TMEM268: variants seen among roughly 807,000 people sequenced by gnomAD.
The protein encoded by TMEM268 is transmembrane protein 268.
In TMEM268, 24 loss-of-function variants were observed where a neutral mutation model predicts 39.1. The observed-to-expected ratio is 0.61, with a 90% CI of 0.44 to 0.86. The LOEUF (loss-of-function observed/expected upper bound fraction) is 0.86. Among genes scored for constraint, TMEM268 ranks in the 40% least tolerant of loss-of-function variants. The probability of loss-of-function intolerance (pLI) is 0.00; values close to 1 mark genes in which losing one functional copy is unlikely to be tolerated. For missense variants in TMEM268, 409 were observed against 428.6 expected (o/e 0.95, Z 0.40); for synonymous variants, 176 against 173.5 (o/e 1.01, Z -0.12).
chr9:114,605,716 A>T, the TMEM268 span, among the ~76,000 whole-genome samples: 1 of 152,082 alleles, frequency 6.6e-6, no homozygotes, highest in Non-Finnish European at 1.5e-5. Flanking sequence ...AGCTTAGGTG[A>T]TCGATGCCAG....
At chr9:114,624,943 G>A (rs1846095703) in intron 3 of TMEM268, among the ~76,000 whole-genome samples, 2 of 152,228 alleles carry the variant, frequency 1.3e-5, no homozygotes, top group Non-Finnish European at 1.5e-5. Context: ...GGGTGGAGAG[G>A]AGGAAGGGCA....
rs1564305591 is a variant in TMEM268 at position 114,643,425 on chromosome 9, C to G, written c.*112C>G. On this transcript the variant is annotated 3_prime_UTR_variant, in exon 9 of 9. Transcript: ENST00000288502. ...GTGAGGAGAGAAGCATCTGGGGGCA[C>G]TCCAAAAGGGGCCTGTGATGTCAGC... 9 of 902,734 alleles carry G rather than the reference C, an allele frequency of 1.0e-5. No individual in the cohort carries two copies. Among genetic ancestry groups the G allele is most frequent in the Non-Finnish European group, 1.5e-5 (9 of 588,178 alleles). 55.9% of individuals were successfully genotyped at this position (902,734 alleles called of 1,614,324 possible).
chr9:114,640,067 AAGAG>A (rs1330197720), intron 8 of TMEM268, among the ~76,000 whole-genome samples: 4 of 150,970 alleles, frequency 2.6e-5, no homozygotes, highest in Non-Finnish European at 3.0e-5. Flanking sequence ...AAAAAAAAAA[AAGAG>A]AGAAATGATA....
chr9:114,616,367 GTTT>G (rs34592101), intron 1 of TMEM268, among the ~76,000 whole-genome samples: 28,817 of 134,666 alleles, frequency 0.21, 3,123 homozygotes, highest in Middle Eastern at 0.28. Context: ...GTTTGTTTTT[GTTT>G]TTGTTTTTGT....
At position 114,617,112 on chromosome 9, in the gene TMEM268, C is replaced by T; in HGVS notation, c.-78-6C>T. ...CTGAAGTTCTTTTTTGTGCTGTTTT[C>T]TGAAGGCATATGATGCTGAGCTGGC... On this transcript the variant is annotated splice_polypyrimidine_tract_variant and splice_region_variant and intron_variant, in intron 1 of 8. Transcript: ENST00000288502. The T allele has an allele frequency of 1.1e-6, 1 of 883,206 alleles. No homozygotes were observed. The highest frequency in any genetic ancestry group is 1.6e-5 in the South Asian group (1 of 61,842). The allele number at this position is 883,206 out of a possible 1,614,324, so 54.7% of individuals were successfully genotyped here. A position where few individuals can be genotyped will look rare whatever the true frequency, so the allele number is the denominator to read the frequency against.
In TMEM268 at chr9:114,644,603, A is replaced by G. The variant is rs2133736257; in HGVS notation, c.*1290A>G. The G allele has an allele frequency of 6.6e-6, 1 of 152,084 alleles. No homozygotes were observed. Among genetic ancestry groups the G allele is most frequent in the East Asian group, 1.9e-4 (1 of 5,172 alleles). 9.4% of individuals were successfully genotyped at this position (152,084 alleles called of 1,614,324 possible). A position where few individuals can be genotyped will look rare whatever the true frequency, so the allele number is the denominator to read the frequency against. On this transcript the variant is annotated 3_prime_UTR_variant, in exon 9 of 9. Transcript: ENST00000288502. ...ACCTGGACCTGCTAAGGAAAAAAAA[A>G]TCTTGTGGATTGATTGCTTTGCCAT...
At chr9:114,618,154 G>A (rs1035600423) in intron 2 of TMEM268, among the ~76,000 whole-genome samples, 10 of 152,116 alleles carry the variant, frequency 6.6e-5, no homozygotes, top group Admixed American at 5.9e-4. Context: ...TGGGATTACA[G>A]GCGTGAGCCA....
In TMEM268 at chr9:114,617,108, T is replaced by G; in HGVS notation, c.-78-10T>G. 1.2e-6 allele frequency: 1 copy of G among 866,160 alleles called. No individual in the cohort carries two copies. Among genetic ancestry groups the G allele is most frequent in the Non-Finnish European group, 1.8e-6 (1 of 553,762 alleles). The allele number at this position is 866,160 out of a possible 1,614,324, so 53.7% of individuals were successfully genotyped here. ...AGGCCTGAAGTTCTTTTTTGTGCTGTTTTCTGAAGGCATATGATGCTGAGC... is the reference window on the plus strand; with the variant it reads ...AGGCCTGAAGTTCTTTTTTGTGCTGGTTTCTGAAGGCATATGATGCTGAGC... On this transcript the variant is annotated splice_polypyrimidine_tract_variant and intron_variant, in intron 1 of 8. Transcript: ENST00000288502.
At chr9:114,604,102 C>G in the TMEM268 span, among the ~76,000 whole-genome samples, 1 of 151,916 alleles carries the variant, frequency 6.6e-6, no homozygotes, top group East Asian at 1.9e-4. Flanking sequence ...TTCAAACTTG[C>G]AATCCGGCTT....
At chr9:114,630,152 T>C (rs1292619395) in intron 5 of TMEM268, among the ~76,000 whole-genome samples, 1 of 152,238 alleles carries the variant, frequency 6.6e-6, no homozygotes, top group East Asian at 1.9e-4. Context: ...TTTATTCAGC[T>C]GGTATTTATG....
chr9:114,635,906 C>T (rs570762148), intron 6 of TMEM268, among the ~76,000 whole-genome samples: 20 of 152,170 alleles, frequency 1.3e-4, no homozygotes, highest in Non-Finnish European at 2.6e-4. Context: ...CTGTCATCTA[C>T]TTCTGAATAT....
At chr9:114,639,997 G>C (rs1346852466) in intron 8 of TMEM268, among the ~76,000 whole-genome samples, 4 of 149,970 alleles carry the variant, frequency 2.7e-5, no homozygotes, top group Non-Finnish European at 5.9e-5. Flanking sequence ...CGATCCACCC[G>C]CTTCATCCTC....
chr9:114,638,830 A>T (rs368344920), intron 8 of TMEM268, 104 bp downstream of exon 8: 1 of 813,150 alleles, frequency 1.2e-6, no homozygotes, highest in East Asian at 3.2e-5. Flanking sequence ...TGCTTCTCTC[A>T]GTTAGTAGAC....
intron 3 of TMEM268, 112 bp downstream of exon 3, chr9:114,624,571 C>A: frequency 6.9e-7 from 1 of 1,450,550 alleles, no homozygotes; most frequent in South Asian, 1.4e-5. Context: ...TACCAGCTGT[C>A]GTAGGGTATA....
At chr9:114,616,526 C>A (rs189317258) in intron 1 of TMEM268, among the ~76,000 whole-genome samples, 1 of 151,820 alleles carries the variant, frequency 6.6e-6, no homozygotes, top group South Asian at 2.1e-4. Flanking sequence ...CCACCACACC[C>A]GGCTGATTTT....
chr9:114,635,444 A>G (rs767442106), intron 6 of TMEM268, among the ~76,000 whole-genome samples: 32 of 152,140 alleles, frequency 2.1e-4, no homozygotes, highest in Non-Finnish European at 3.8e-4. Context: ...TGGGAGGCTG[A>G]GGCAGGTGGA....
In TMEM268 at chr9:114,628,227, G is replaced by T. The variant is rs763876815; in HGVS notation, c.451G>T (p.Val151Phe). The change falls in exon 5 of 9, where the codon GTC (valine) becomes TTC (phenylalanine). Residue 151 changes from valine to phenylalanine, a missense_variant. By Grantham distance (50) the Val-to-Phe change is conservative. Transcript: ENST00000288502. Reference sequence around the variant, plus strand: ...GAGCCTGACCTTGACTCTTGTGCTGGTCTTTGAAAGACACCAGAAGAAGGT... The same window carrying T: ...GAGCCTGACCTTGACTCTTGTGCTGTTCTTTGAAAGACACCAGAAGAAGGT... Reference protein sequence around the residue: ...AVSLTLTLVLVFERHQKKANT... With the variant: ...AVSLTLTLVLFFERHQKKANT... The T allele has an allele frequency of 6.2e-7, 1 of 1,614,130 alleles. No homozygotes were observed. The highest frequency in any genetic ancestry group is 8.5e-7 in the Non-Finnish European group (1 of 1,180,026).
upstream of TMEM268, among the ~76,000 whole-genome samples, chr9:114,607,755 G>A (rs1439112180): frequency 1.3e-5 from 2 of 152,180 alleles, no homozygotes; most frequent in East Asian, 1.9e-4. Context: ...ACAGGGCAGG[G>A]CTCCCAGAAG....
chr9:114,628,353 A>G, intron 5 of TMEM268, 103 bp downstream of exon 5: 6 of 1,362,686 alleles, frequency 4.4e-6, no homozygotes, highest in Non-Finnish European at 6.1e-6. Context: ...TTCCCTGGCC[A>G]TGAAAATTCA....
Sources: allele counts gnomAD v4.1 joint callset (sites outside exome capture counted in the v4.1 genomes callset), GRCh38; gene constraint gnomAD v4.1.1; transcripts MANE v1.5; gene names NCBI Gene and HGNC (gene_info 2026-07-23, HGNC 2026-07-21).